Variants in DDAH1 observed in about 807,000 individuals in gnomAD.
DDAH1 encodes the protein dimethylarginine dimethylaminohydrolase 1.
Under a neutral mutation model 28.8 loss-of-function variants are expected in DDAH1, and 19 were observed. The ratio of observed to expected loss-of-function variants is 0.66; its 90% confidence interval spans 0.46 to 0.97. DDAH1 has a LOEUF of 0.97. Among genes scored for constraint, DDAH1 ranks in the 50% least tolerant of loss-of-function variants. The probability of loss-of-function intolerance (pLI) is 0.00; values close to 1 mark genes in which losing one functional copy is unlikely to be tolerated. For missense variants in DDAH1, 326 were observed against 375.9 expected, an observed-to-expected ratio of 0.87 and a Z score of 1.10; for synonymous variants, 153 against 154.4, an observed-to-expected ratio of 0.99 and a Z score of 0.07.
chr1:85,527,998 G>A (rs1657932362), intron 1 of DDAH1, among the ~76,000 whole-genome samples: 1 of 151,982 alleles, frequency 6.6e-6, no homozygotes, highest in African/African-American at 2.4e-5. Context: ...TGAAGGCATT[G>A]TTTTAACAAA....
chr1:85,504,961 CTTTTTTTTTTTTTTTTTTTTTTTTTT>C (rs61209793), intron 1 of DDAH1, among the ~76,000 whole-genome samples: 4 of 60,778 alleles, frequency 6.6e-5, no homozygotes, highest in South Asian at 1.7e-3. Context: ...CTCAATGATT[CTTTTTTTTTTTTTTTTTTTTTTTTTT>C]TTTTTTTTTT....
intron 3 of DDAH1, 71 bp downstream of exon 3, chr1:85,351,434 AT>A: frequency 1.7e-6 from 2 of 1,210,950 alleles, no homozygotes; most frequent in Non-Finnish European, 2.4e-6. Flanking sequence ...TACTCATGAC[AT>A]TGATTCAATG....
chr1:85,440,704 G>A (rs1654150031), intron 1 of DDAH1, among the ~76,000 whole-genome samples: 1 of 152,168 alleles, frequency 6.6e-6, no homozygotes, highest in Non-Finnish European at 1.5e-5. Context: ...TCCGGGAAGT[G>A]GACGTCTGTA....
intron 1 of DDAH1, among the ~76,000 whole-genome samples, chr1:85,434,200 T>G (rs1208610515): frequency 6.6e-6 from 1 of 152,186 alleles, no homozygotes; most frequent in Non-Finnish European, 1.5e-5. Flanking sequence ...GTTATTACAT[T>G]TAACATTTTG....
chr1:85,379,981 C>A (rs1398269261), intron 1 of DDAH1, among the ~76,000 whole-genome samples: 3 of 152,220 alleles, frequency 2.0e-5, no homozygotes, highest in African/African-American at 7.2e-5. Flanking sequence ...ATTCATCTCA[C>A]ACACTGGAGC....
chr1:85,470,276 G>A (rs1056645353), intron 2 of DDAH1, among the ~76,000 whole-genome samples: 3 of 152,208 alleles, frequency 2.0e-5, no homozygotes, highest in African/African-American at 4.8e-5. Context: ...AAAAATGCAC[G>A]TCTTACATGG....
intron 1 of DDAH1, chr1:85,404,604 G>T: frequency 8.3e-7 from 1 of 1,198,348 alleles, no homozygotes; most frequent in Non-Finnish European, 1.1e-6. Flanking sequence ...GAGCATGTCT[G>T]CTGAAACCGA....
chr1:85,356,885 G>C (rs1331757672), intron 2 of DDAH1, among the ~76,000 whole-genome samples: 1 of 152,156 alleles, frequency 6.6e-6, no homozygotes, highest in East Asian at 1.9e-4. Context: ...AGATTTTAGG[G>C]GGTCTTTCTG....
intron 1 of DDAH1, among the ~76,000 whole-genome samples, chr1:85,576,498 G>A (rs2100576952): frequency 6.6e-6 from 1 of 152,290 alleles, no homozygotes; most frequent in Middle Eastern, 3.4e-3. Flanking sequence ...TCCCTTCTGG[G>A]GATAATGGAA....
intron 1 of DDAH1, among the ~76,000 whole-genome samples, chr1:85,412,718 G>C (rs949897307): frequency 6.6e-6 from 1 of 152,142 alleles, no homozygotes; most frequent in African/African-American, 2.4e-5. Flanking sequence ...AATATTTTGA[G>C]GGCCAGGCAT....
chr1:85,325,008 C>T (rs1195208990), intron 4 of DDAH1, 125 bp from the exon 5 acceptor site: 7 of 1,066,480 alleles, frequency 6.6e-6, no homozygotes, highest in African/African-American at 1.6e-5. Context: ...TTCAAATTCC[C>T]ATCTATTACC....
chr1:85,482,225 A>T (rs188255178), intron 2 of DDAH1: 1 of 152,330 alleles, frequency 6.6e-6, no homozygotes, highest in East Asian at 1.9e-4. Flanking sequence ...ACCATGTAGG[A>T]GTTAATGAAA....
At chr1:85,387,025 G>A (rs761146193) in intron 1 of DDAH1, among the ~76,000 whole-genome samples, 18 of 152,300 alleles carry the variant, frequency 1.2e-4, no homozygotes, top group Non-Finnish European at 2.5e-4. Flanking sequence ...GGTGCCCTGG[G>A]CCATTCCCCT....
At chr1:85,436,349 T>A (rs1485748080) in intron 1 of DDAH1, among the ~76,000 whole-genome samples, 3 of 152,182 alleles carry the variant, frequency 2.0e-5, no homozygotes, top group Non-Finnish European at 4.4e-5. Flanking sequence ...ATATTTATCA[T>A]ATTTTAAAGC....
chr1:85,410,285 GA>G (rs925127814), intron 1 of DDAH1, among the ~76,000 whole-genome samples: 7 of 151,208 alleles, frequency 4.6e-5, no homozygotes, highest in South Asian at 2.1e-4. Context: ...TTTCTCAAGG[GA>G]AAAAAAATAG....
intron 1 of DDAH1, among the ~76,000 whole-genome samples, chr1:85,364,220 G>A (rs1649944151): frequency 1.3e-5 from 2 of 152,106 alleles, no homozygotes; most frequent in African/African-American, 4.8e-5. Context: ...ATCATAGAGT[G>A]CAGCCCACAT....
At chr1:85,519,256 C>A (rs72724700) in intron 1 of DDAH1, among the ~76,000 whole-genome samples, 2 of 151,730 alleles carry the variant, frequency 1.3e-5, no homozygotes, top group African/African-American at 4.8e-5. Context: ...ACCAGGCCGG[C>A]GTAATTTTTT....
At chr1:85,477,961 AATT>A (rs1421206297) in intron 2 of DDAH1, among the ~76,000 whole-genome samples, 4 of 152,100 alleles carry the variant, frequency 2.6e-5, no homozygotes, top group African/African-American at 9.7e-5. Context: ...AATTGCAAAA[AATT>A]AATGATCTAT....
At chr1:85,327,921 A>C (rs1375711586) in intron 4 of DDAH1, among the ~76,000 whole-genome samples, 2 of 152,194 alleles carry the variant, frequency 1.3e-5, no homozygotes, top group Non-Finnish European at 2.9e-5. Context: ...ATATGTTTGC[A>C]CTAACTGGTT....
Sources: gnomAD v4.1 joint callset for allele counts (sites outside exome capture counted in the v4.1 genomes callset) on GRCh38, gnomAD v4.1.1 for gene constraint, MANE v1.5 for transcripts, NCBI Gene and HGNC (gene_info 2026-07-23, HGNC 2026-07-21) for gene names.